The following TMEM232 variants were observed in gnomAD, a reference collection of about 807,000 sequenced individuals.
The protein encoded by TMEM232 is transmembrane protein 232.
Under a neutral mutation model 78.8 loss-of-function variants are expected in TMEM232, and 80 were observed. The ratio of observed to expected loss-of-function variants is 1.01; its 90% confidence interval spans 0.85 to 1.22. TMEM232 has a LOEUF of 1.22. Among genes scored for constraint, TMEM232 ranks in the 50% most tolerant of loss-of-function variants. TMEM232 has a pLI of 0.00. For synonymous variants in TMEM232, 297 were observed against 254.3 expected, an observed-to-expected ratio of 1.17 and a Z score of -1.60; for missense variants, 881 against 742.2, an observed-to-expected ratio of 1.19 and a Z score of -2.17.
At chr5:110,598,469 T>C (rs980997897) in intron 10 of TMEM232, among the ~76,000 whole-genome samples, 2 of 152,114 alleles carry the variant, frequency 1.3e-5, no homozygotes, top group African/African-American at 2.4e-5. Context: ...CTCAGGGATC[T>C]AGAACTAGAA....
chr5:110,605,436 T>C (rs944885087), intron 9 of TMEM232, 78 bp from the exon 10 acceptor site: 1 of 1,426,772 alleles, frequency 7.0e-7, no homozygotes, highest in Non-Finnish European at 9.3e-7. Flanking sequence ...CTTATAATAA[T>C]TGTTAAAAGA....
intron 10 of TMEM232, among the ~76,000 whole-genome samples, chr5:110,586,269 A>T (rs1385160298): frequency 1.3e-5 from 2 of 151,802 alleles, no homozygotes; most frequent in East Asian, 3.9e-4. Flanking sequence ...GATATTTTAC[A>T]TTTCTGTATA....
At chr5:110,392,660 A>G (rs1446987549) in intron 3 of TMEM232, among the ~76,000 whole-genome samples, 1 of 152,148 alleles carries the variant, frequency 6.6e-6, no homozygotes, top group Non-Finnish European at 1.5e-5. Context: ...TAAGGATATT[A>G]ATGACATCAT....
intron 13 of TMEM232, 40 bp downstream of exon 13, chr5:110,424,783 A>T (rs1757060187): frequency 6.9e-7 from 1 of 1,438,880 alleles, no homozygotes; most frequent in South Asian, 1.3e-5. Flanking sequence ...CTTTTAAGGA[A>T]CAAAGCTTTT....
At position 110,700,071 on chromosome 5, in the gene TMEM232, C is replaced by T. The variant is rs143208749; in HGVS notation, c.-13+26556G>A. Among the ~76,000 whole-genome samples, 209 of 152,108 alleles carry T rather than the reference C, an allele frequency of 1.4e-3. 3 individuals are homozygous for T. Among genetic ancestry groups the T allele is most frequent in the African/African-American group, 4.5e-3 (188 of 41,538 alleles). Reference sequence around the variant, plus strand: ...AGGTTGACTAGAAAAATCCACTAAGCAATTTTCTTAAGCAGACAGCTGAAG... The same window carrying T: ...AGGTTGACTAGAAAAATCCACTAAGTAATTTTCTTAAGCAGACAGCTGAAG... On this transcript the variant is annotated intron_variant, in intron 1 of 13. Coordinates refer to ENST00000455884, the MANE Select transcript of TMEM232 (RefSeq NM_001039763.4).
intron 5 of TMEM232, among the ~76,000 whole-genome samples, chr5:110,629,810 C>G (rs969769090): frequency 2.0e-5 from 3 of 152,098 alleles, no homozygotes; most frequent in African/African-American, 7.2e-5. Flanking sequence ...ACTGTTGCTG[C>G]TTATATGTTA....
chr5:110,445,449 G>A (rs1010053866), intron 12 of TMEM232, among the ~76,000 whole-genome samples: 3 of 152,030 alleles, frequency 2.0e-5, no homozygotes, highest in African/African-American at 7.2e-5. Context: ...AGTTATTTAT[G>A]TTTAAGAACA....
chr5:110,712,956 C>A (rs889661971), intron 1 of TMEM232, among the ~76,000 whole-genome samples: 1 of 152,144 alleles, frequency 6.6e-6, no homozygotes, highest in African/African-American at 2.4e-5. Flanking sequence ...GATATCTGCA[C>A]TCTCATGTTT....
At chr5:110,445,368 C>T (rs539469591) in intron 12 of TMEM232, among the ~76,000 whole-genome samples, 22 of 152,190 alleles carry the variant, frequency 1.4e-4, no homozygotes, top group Non-Finnish European at 2.9e-4. Flanking sequence ...GCCATTATTA[C>T]ATTCAAGGAA....
chr5:110,566,493 C>T (rs933202906), intron 11 of TMEM232, among the ~76,000 whole-genome samples: 6 of 151,826 alleles, frequency 4.0e-5, no homozygotes, highest in African/African-American at 1.5e-4. Flanking sequence ...GCCAGATGCC[C>T]TAAATTATCT....
At chr5:110,482,791 A>G (rs1315844763) in intron 12 of TMEM232, among the ~76,000 whole-genome samples, 1 of 151,804 alleles carries the variant, frequency 6.6e-6, no homozygotes. Flanking sequence ...TAGTGGGATT[A>G]TATATTTAAA....
chr5:110,464,990 G>A (rs1761922388), intron 12 of TMEM232, among the ~76,000 whole-genome samples: 1 of 152,174 alleles, frequency 6.6e-6, no homozygotes. Context: ...CCAAAGCTAA[G>A]GACTGGCTTC....
chr5:110,528,962 T>C (rs941429272), intron 11 of TMEM232, 127 bp from the exon 12 acceptor site: 9 of 936,468 alleles, frequency 9.6e-6, no homozygotes, highest in Non-Finnish European at 9.7e-6. Flanking sequence ...TCCTGTTAAG[T>C]AAAAATAATC....
chr5:110,596,213 A>C (rs1041107530), intron 10 of TMEM232, among the ~76,000 whole-genome samples: 5 of 152,208 alleles, frequency 3.3e-5, no homozygotes, highest in South Asian at 2.1e-4. Context: ...ATACAAACTA[A>C]CATCAGAGAA....
At chr5:110,391,348 A>AGAGAG (rs1580539420) in intron 3 of TMEM232, among the ~76,000 whole-genome samples, 1 of 140,502 alleles carries the variant, frequency 7.1e-6, no homozygotes, top group African/African-American at 2.8e-5. Context: ...AGAGAGAGAG[A>AGAGAG]AACCTCTGTG....
intron 4 of TMEM232, among the ~76,000 whole-genome samples, chr5:110,390,220 A>T (rs1245530561): frequency 1.3e-5 from 2 of 152,204 alleles, no homozygotes; most frequent in African/African-American, 4.8e-5. Flanking sequence ...AGAAGAGAAG[A>T]ATGGGAATTA....
chr5:110,695,539 A>G (rs1794666003), intron 1 of TMEM232, among the ~76,000 whole-genome samples: 1 of 152,284 alleles, frequency 6.6e-6, no homozygotes, highest in Non-Finnish European at 1.5e-5. Flanking sequence ...AGATCAACAA[A>G]ATTGATAGAC....
chr5:110,476,389 A>G (rs1763256238), intron 12 of TMEM232, among the ~76,000 whole-genome samples: 1 of 151,986 alleles, frequency 6.6e-6, no homozygotes, highest in Admixed American at 6.6e-5. Flanking sequence ...CTATTTTACA[A>G]GTCAAAGAAA....
chr5:110,733,595 T>A (rs1798887975), intron 2 of TMEM232, among the ~76,000 whole-genome samples: 1 of 151,946 alleles, frequency 6.6e-6, no homozygotes, highest in Non-Finnish European at 1.5e-5. Context: ...GAAAACAAAA[T>A]ACCGCATGTT....
Sources: gnomAD v4.1 joint callset for allele counts (sites outside exome capture counted in the v4.1 genomes callset) on GRCh38, gnomAD v4.1.1 for gene constraint, MANE v1.5 for transcripts, NCBI Gene and HGNC (gene_info 2026-07-23, HGNC 2026-07-21) for gene names.